Variants in MMS22L observed in about 807,000 individuals in gnomAD.
The protein encoded by MMS22L is MMS22 like, DNA repair protein.
MMS22L carries 74 observed loss-of-function variants against 159.1 expected under a neutral mutation model. The ratio of observed to expected loss-of-function variants is 0.47; its 90% CI spans 0.39 to 0.56. MMS22L has a LOEUF of 0.56. Among genes scored for constraint, MMS22L ranks in the 20% least tolerant of loss-of-function variants. The pLI is 0.00. For missense variants in MMS22L, 1,351 were observed against 1,422.1 expected, an observed-to-expected ratio of 0.95 and a Z score of 0.80; for synonymous variants, 517 against 506.9, an observed-to-expected ratio of 1.02 and a Z score of -0.27.
chr6:97,146,882 G>A lies in MMS22L; in HGVS notation c.3656C>T (p.Ala1219Val). The change falls in exon 25 of 25, where the codon GCC (alanine) becomes GTC (valine). Residue 1219 changes from alanine to valine, a missense_variant. Physicochemically the swap from Ala to Val is moderately conservative, Grantham distance 64. Coordinates refer to ENST00000683635, the MANE Select transcript of MMS22L (RefSeq NM_001350599.2). Reference protein sequence around the residue: ...GLGRNIAQREAYSKLLSHLGQ... With the variant: ...GLGRNIAQREVYSKLLSHLGQ... Reference sequence around the variant, plus strand: ...AAGGTGAGACAAAAGTTTGCTATAGGCTTCCCTGTTTAAGAAAAAAGAAAA... The same window carrying A: ...AAGGTGAGACAAAAGTTTGCTATAGACTTCCCTGTTTAAGAAAAAAGAAAA... 1.3e-6 allele frequency: 2 copies of A among 1,546,568 alleles called. No homozygotes were observed. The highest frequency in any genetic ancestry group is 2.3e-5 in the Admixed American group (1 of 42,854).
intron 12 of MMS22L, among the ~76,000 whole-genome samples, chr6:97,233,567 T>C (rs1218817980): frequency 6.6e-6 from 1 of 152,132 alleles, no homozygotes; most frequent in Non-Finnish European, 1.5e-5. Context: ...TCATGAGCAA[T>C]CAATTATTAT....
In MMS22L at chr6:97,251,071, T is replaced by C. The variant is rs189472838; in HGVS notation, c.1119+3486A>G. 3.3e-5 allele frequency among the ~76,000 whole-genome samples: 5 copies of C among 152,330 alleles called. No individual in the cohort carries two copies. In the South Asian group the frequency reaches 8.3e-4, roughly 25 times the overall value. On this transcript the variant is annotated intron_variant, in intron 10 of 24. Coordinates refer to ENST00000683635, the MANE Select transcript of MMS22L (RefSeq NM_001350599.2). Reference sequence around the variant, plus strand: ...TCAATATGCCTTTATGTTCATGGATTAGAATGACTATCTGATTTGTCAATT... The same window carrying C: ...TCAATATGCCTTTATGTTCATGGATCAGAATGACTATCTGATTTGTCAATT...
rs1314848953 is a variant in MMS22L, at chr6:97,274,025, A to G, written c.341-963T>C. 3.3e-5 allele frequency among the ~76,000 whole-genome samples: 5 copies of G among 152,248 alleles called. No homozygotes were observed. The East Asian group carries it at 5.8e-4, about 18-fold the overall frequency. On this transcript the variant is annotated intron_variant, in intron 4 of 24. Transcript: ENST00000683635. ...TTTAATAGTTGCTGCCTTTCTCCCAACCTCACTCCATGTCAGCTTTCCCTC... is the reference window on the plus strand; with the variant it reads ...TTTAATAGTTGCTGCCTTTCTCCCAGCCTCACTCCATGTCAGCTTTCCCTC...
At chr6:97,239,100 T>C (rs1045514466) in intron 11 of MMS22L, among the ~76,000 whole-genome samples, 3 of 151,326 alleles carry the variant, frequency 2.0e-5, no homozygotes, top group Non-Finnish European at 2.9e-5. Flanking sequence ...GATTTATTTT[T>C]AGGAGAGAAT....
intron 14 of MMS22L, among the ~76,000 whole-genome samples, chr6:97,191,901 A>C (rs886712583): frequency 1.6e-4 from 25 of 152,368 alleles, no homozygotes; most frequent in Admixed American, 1.5e-3. Flanking sequence ...AAGTTATCCA[A>C]AAAATCATCA....
At chr6:97,259,632 G>T (rs1435063530) in intron 9 of MMS22L, 1 of 151,828 alleles carries the variant, frequency 6.6e-6, no homozygotes, top group African/African-American at 2.4e-5. Context: ...TCTTCAGCTT[G>T]CCAACCTCAG....
intron 14 of MMS22L, among the ~76,000 whole-genome samples, chr6:97,188,346 AT>A: frequency 6.6e-6 from 1 of 152,276 alleles, no homozygotes; most frequent in South Asian, 2.1e-4. Flanking sequence ...AAGCCATTTT[AT>A]TTACTAACTA....
chr6:97,205,247 A>G (rs938367612), intron 14 of MMS22L, among the ~76,000 whole-genome samples: 1 of 146,046 alleles, frequency 6.8e-6, no homozygotes, highest in Non-Finnish European at 1.5e-5. Context: ...TCGGCCACGT[A>G]TTTTTTTTTT....
At position 97,152,787 on chromosome 6, in the gene MMS22L, C is replaced by CT. The variant is rs532892641; in HGVS notation, c.3386-921dup. Among the ~76,000 whole-genome samples, 36 of 141,938 alleles carry CT rather than the reference C, an allele frequency of 2.5e-4. 1 individual carries two copies. Among genetic ancestry groups the CT allele is most frequent in the South Asian group, 2.5e-3 (11 of 4,436 alleles). 93.1% of individuals were successfully genotyped at this position (141,938 alleles called of 152,430 possible). On this transcript the variant is annotated intron_variant, in intron 22 of 24. Coordinates refer to ENST00000683635, the MANE Select transcript of MMS22L (RefSeq NM_001350599.2). ...TAACTTCTCATTTTAGATGCAGTTT[C>CT]TTTTTTCTTTAACTGAACTACCTTT...
At chr6:97,246,738 C>A (rs1812686842) in intron 10 of MMS22L, 48 bp from the exon 11 acceptor site, 2 of 1,362,962 alleles carry the variant, frequency 1.5e-6, no homozygotes, top group Admixed American at 1.8e-5. Flanking sequence ...CTTGATTATG[C>A]CTATATTTAA....
chr6:97,194,249 G>A (rs1806225926), intron 14 of MMS22L, among the ~76,000 whole-genome samples: 1 of 151,422 alleles, frequency 6.6e-6, no homozygotes. Context: ...GTAAAGACGG[G>A]GTTTCATCAT....
intron 14 of MMS22L, among the ~76,000 whole-genome samples, chr6:97,220,064 C>T (rs1463014144): frequency 6.6e-6 from 1 of 152,188 alleles, no homozygotes; most frequent in African/African-American, 2.4e-5. Context: ...TCTCACATGA[C>T]ATGCTTATTC....
intron 4 of MMS22L, among the ~76,000 whole-genome samples, chr6:97,273,846 C>T (rs989593444): frequency 2.6e-5 from 4 of 152,152 alleles, no homozygotes; most frequent in Admixed American, 2.0e-4. Flanking sequence ...TCTTTCCATG[C>T]TCTCTTTTGT....
chr6:97,149,531 G>T lies in MMS22L; in HGVS notation c.3650+322C>A, dbSNP rs1199806068. Among the ~76,000 whole-genome samples, 3 of 152,084 alleles carry T rather than the reference G, an allele frequency of 2.0e-5. No homozygotes were observed. In the East Asian group the frequency reaches 5.8e-4, roughly 29 times the overall value. ...TTTATTAAAAAACAAGACATCCAAG[G>T]CTATGAAGTCCACTTCCCAATGAGG... is the stretch of plus-strand genomic sequence containing the variant. On this transcript the variant is annotated intron_variant, in intron 24 of 24. Transcript: ENST00000683635.
chr6:97,246,806 T>G (rs1333535077), intron 10 of MMS22L, 116 bp from the exon 11 acceptor site: 1 of 639,306 alleles, frequency 1.6e-6, no homozygotes, highest in Non-Finnish European at 2.6e-6. Flanking sequence ...TCAGCATCAA[T>G]GTGATTTCTT....
intron 10 of MMS22L, among the ~76,000 whole-genome samples, chr6:97,247,047 A>C (rs921678076): frequency 4.1e-5 from 6 of 144,978 alleles, no homozygotes; most frequent in Non-Finnish European, 6.0e-5. Flanking sequence ...TTTTATGCTG[A>C]GTAATCATCC....
intron 3 of MMS22L, 26 bp from the exon 4 acceptor site, chr6:97,278,924 GT>G: frequency 6.2e-7 from 1 of 1,601,364 alleles, no homozygotes; most frequent in Non-Finnish European, 8.5e-7. Context: ...TAAGGTGAGA[GT>G]TAATTTTAGA....
At chr6:97,175,116 A>C (rs1803988092) in intron 18 of MMS22L, among the ~76,000 whole-genome samples, 1 of 152,220 alleles carries the variant, frequency 6.6e-6, no homozygotes, top group Admixed American at 6.5e-5. Flanking sequence ...GATATTAGAA[A>C]ATTTTATTTA....
At position 97,173,234 on chromosome 6, in the gene MMS22L, G is replaced by T. The variant is rs1803743609; in HGVS notation, c.2680-12C>A. ...GTTACACCAACAGCCTATAAATAAA[G>T]AAAAACATTATTTAACTTCCCAAAG... On this transcript the variant is annotated splice_polypyrimidine_tract_variant and intron_variant, in intron 18 of 24. Transcript: ENST00000683635. 1.2e-6 allele frequency: 2 copies of T among 1,600,210 alleles called. No homozygotes were observed. Among genetic ancestry groups the T allele is most frequent in the African/African-American group, 1.4e-5 (1 of 73,904 alleles).
Sources: allele counts gnomAD v4.1 joint callset (sites outside exome capture counted in the v4.1 genomes callset), GRCh38; gene constraint gnomAD v4.1.1; transcripts MANE v1.5; gene names NCBI Gene and HGNC (gene_info 2026-07-23, HGNC 2026-07-21).